Variants in PKNOX2 observed in about 807,000 individuals in gnomAD.
PKNOX2 encodes the protein homeobox protein PKNOX2.
PKNOX2 carries 14 observed loss-of-function variants against 53.1 expected under a neutral mutation model. That is an observed-to-expected ratio of 0.26 (90% CI 0.17 to 0.41). The LOEUF is 0.41. PKNOX2 is among the 10% of genes least tolerant of loss of function. The pLI, the probability that PKNOX2 is intolerant of heterozygous loss-of-function variation, is 1.00. For missense variants in PKNOX2, 496 were observed against 602.8 expected, an observed-to-expected ratio of 0.82 and a Z score of 1.85; for synonymous variants, 257 against 242.8, an observed-to-expected ratio of 1.06 and a Z score of -0.54.
chr11:125,336,494 T>C (rs1950436890), intron 3 of PKNOX2, among the ~76,000 whole-genome samples: 1 of 149,726 alleles, frequency 6.7e-6, no homozygotes, highest in African/African-American at 2.4e-5. Context: ...ATGTACTATA[T>C]AACATATATA....
rs1462993498 is a variant in PKNOX2 at position 125,431,180 on chromosome 11, G to A, written c.1207G>A (p.Asp403Asn). ...GTNPDGSINL[D>N]NLQSLSSDSA... ...TTCTCTCGCAGGTTCCATCAACTTGGACAACCTGCAGTCCCTGTCCTCAGA... is the reference window on the plus strand; with the variant it reads ...TTCTCTCGCAGGTTCCATCAACTTGAACAACCTGCAGTCCCTGTCCTCAGA... The change falls in exon 13 of 13, where the codon GAC becomes AAC. Residue 403 changes from aspartate (D) to asparagine (N), a missense_variant. Around this residue, in one of 5 missense-constraint regions of PKNOX2, gnomAD observed 139 missense variants for 161.3 expected, o/e 0.86. Coordinates refer to ENST00000298282, the MANE Select transcript of PKNOX2 (RefSeq NM_001382323.2). 20 of 1,613,520 alleles carry A rather than the reference G, an allele frequency of 1.2e-5. No homozygotes were observed. The highest frequency in any genetic ancestry group is 2.2e-5 in the South Asian group (2 of 90,910).
At chr11:125,306,062 A>G (rs926198360) in intron 2 of PKNOX2, among the ~76,000 whole-genome samples, 1 of 152,174 alleles carries the variant, frequency 6.6e-6, no homozygotes, top group Non-Finnish European at 1.5e-5. Flanking sequence ...TCCCTCCCCA[A>G]GGTGAGCCCC....
intron 1 of PKNOX2, among the ~76,000 whole-genome samples, chr11:125,176,787 G>C (rs146057101): frequency 2.5e-3 from 385 of 152,254 alleles, no homozygotes; most frequent in African/African-American, 9.0e-3. Context: ...AAGACAGCTG[G>C]GCACCAGGAG....
At chr11:125,421,739 A>T (rs1956184450) in intron 10 of PKNOX2, among the ~76,000 whole-genome samples, 1 of 152,182 alleles carries the variant, frequency 6.6e-6, no homozygotes, top group South Asian at 2.1e-4. Context: ...CACATTTTTT[A>T]TGTCAGCACA....
At chr11:125,186,410 G>C (rs545119138) in intron 1 of PKNOX2, among the ~76,000 whole-genome samples, 1 of 152,304 alleles carries the variant, frequency 6.6e-6, no homozygotes, top group South Asian at 2.1e-4. Context: ...CCAGAACTTT[G>C]AGAGGCTGAG....
At position 125,194,320 on chromosome 11, in the gene PKNOX2, A is replaced by G. The variant is rs149444615; in HGVS notation, c.-201+29544A>G. Among the ~76,000 whole-genome samples, 293 of 152,312 alleles carry G rather than the reference A, an allele frequency of 1.9e-3. 3 individuals are homozygous for G. The highest frequency in any genetic ancestry group is 6.8e-3 in the African/African-American group (282 of 41,582). On this transcript the variant is annotated intron_variant, in intron 1 of 12. Transcript: ENST00000298282. ...CCCATTGCGGCCTTTCTTGAGAGCA[A>G]TAATCCTCTCCTGGTCTTTGCTGAT...
At chr11:125,196,248 G>T (rs1039522395) in intron 1 of PKNOX2, among the ~76,000 whole-genome samples, 1 of 152,184 alleles carries the variant, frequency 6.6e-6, no homozygotes, top group African/African-American at 2.4e-5. Flanking sequence ...CCGAGAAGGG[G>T]CTGTGAGGTC....
At chr11:125,336,901 A>G (rs931843961) in intron 3 of PKNOX2, among the ~76,000 whole-genome samples, 2 of 148,194 alleles carry the variant, frequency 1.3e-5, no homozygotes, top group South Asian at 4.2e-4. Context: ...ATTATGTGCT[A>G]TGTACTATAA....
At chr11:125,241,080 T>G (rs903644982) in intron 2 of PKNOX2, among the ~76,000 whole-genome samples, 4 of 152,182 alleles carry the variant, frequency 2.6e-5, no homozygotes, top group African/African-American at 9.7e-5. Flanking sequence ...TTCTTTGCTA[T>G]CCACAGGTTG....
At chr11:125,320,307 G>A (rs953523402) in intron 2 of PKNOX2, among the ~76,000 whole-genome samples, 1 of 152,128 alleles carries the variant, frequency 6.6e-6, no homozygotes, top group African/African-American at 2.4e-5. Context: ...AGGAGGTTAC[G>A]ACCACTTTGA....
intron 2 of PKNOX2, among the ~76,000 whole-genome samples, chr11:125,294,284 C>T (rs971787209): frequency 6.6e-6 from 1 of 152,164 alleles, no homozygotes; most frequent in Non-Finnish European, 1.5e-5. Flanking sequence ...CTTTGGGACA[C>T]CCAGAAGCCT....
rs148092386 is a variant in PKNOX2, at chr11:125,206,519, A to G, written c.-200-28526A>G. 2.1e-3 allele frequency among the ~76,000 whole-genome samples: 326 copies of G among 152,202 alleles called. 2 individuals carry two copies. Among genetic ancestry groups the G allele is most frequent in the African/African-American group, 7.3e-3 (303 of 41,558 alleles). Reference sequence around the variant, plus strand: ...ACAGACAGCCTCAAATGCCTTGCTAAGGAGCGTAGAGTTCTTATCTAACCA... The same window carrying G: ...ACAGACAGCCTCAAATGCCTTGCTAGGGAGCGTAGAGTTCTTATCTAACCA... On this transcript the variant is annotated intron_variant, in intron 1 of 12. Transcript: ENST00000298282.
At position 125,370,825 on chromosome 11, in the gene PKNOX2, T is replaced by A. The variant is rs551940076; in HGVS notation, c.227+2840T>A. ...GGCAGCCTGGCTGCTCCAAAGCACA[T>A]CAGGGAGTCGGCATTTTATGTCAAT... On this transcript the variant is annotated intron_variant, in intron 5 of 12. Transcript: ENST00000298282. The surrounding 1 kb of genome is among the most constrained non-coding windows in gnomAD (Gnocchi z 4.1). 6.6e-6 allele frequency among the ~76,000 whole-genome samples: 1 copy of A among 152,338 alleles called. No homozygotes were observed. The highest frequency in any genetic ancestry group is 2.4e-5 in the African/African-American group (1 of 41,582).
chr11:125,359,267 T>C (rs1015948437), intron 4 of PKNOX2, among the ~76,000 whole-genome samples: 1 of 152,228 alleles, frequency 6.6e-6, no homozygotes, highest in Non-Finnish European at 1.5e-5. Context: ...GCTTTGAAAG[T>C]TCCCCTAAGC....
At chr11:125,232,005 G>A (rs1942245952) in intron 1 of PKNOX2, among the ~76,000 whole-genome samples, 1 of 152,204 alleles carries the variant, frequency 6.6e-6, no homozygotes, top group African/African-American at 2.4e-5. Flanking sequence ...TCAGTGTTGG[G>A]AGTTCACTAC....
intron 3 of PKNOX2, among the ~76,000 whole-genome samples, chr11:125,350,504 C>T (rs1951239071): frequency 6.6e-6 from 1 of 152,140 alleles, no homozygotes; most frequent in Admixed American, 6.5e-5. Flanking sequence ...CCATTTGGCT[C>T]TGATAGCTCT....
chr11:125,170,282 G>A (rs1347613709), intron 1 of PKNOX2, among the ~76,000 whole-genome samples: 1 of 152,188 alleles, frequency 6.6e-6, no homozygotes, highest in Non-Finnish European at 1.5e-5. Flanking sequence ...CTGGAGACGC[G>A]GCTCTGGTGG....
chr11:125,377,866 A>G (rs1468084780), intron 5 of PKNOX2, among the ~76,000 whole-genome samples: 2 of 152,258 alleles, frequency 1.3e-5, no homozygotes, highest in Non-Finnish European at 2.9e-5. Context: ...TCTAGGCTCC[A>G]TGCCACCCAT....
At chr11:125,269,143 T>G (rs1185825087) in intron 2 of PKNOX2, among the ~76,000 whole-genome samples, 2 of 152,236 alleles carry the variant, frequency 1.3e-5, no homozygotes, top group South Asian at 2.1e-4. Context: ...TTAGAATTAA[T>G]GCAGGTATTA....
Sources: gnomAD v4.1 joint callset for allele counts (sites outside exome capture counted in the v4.1 genomes callset) on GRCh38, gnomAD v4.1.1 for gene constraint, gnomAD v4.1.1 regional missense constraint, Gnocchi (gnomAD v3.1) non-coding constraint, MANE v1.5 for transcripts, NCBI Gene and HGNC (gene_info 2026-07-23, HGNC 2026-07-21) for gene names.